ZFHX3: variants seen among roughly 807,000 people sequenced by gnomAD.
The protein encoded by ZFHX3 is zinc finger homeobox 3.
Under a neutral mutation model 279.1 loss-of-function variants are expected in ZFHX3, and 42 were observed. That is an observed-to-expected ratio of 0.15 (90% confidence interval 0.12 to 0.19). The LOEUF (loss-of-function observed/expected upper bound fraction) is 0.19. Ranked by LOEUF, ZFHX3 falls within the 10% of genes least tolerant of loss-of-function variation. The pLI, the probability that ZFHX3 is intolerant of heterozygous loss-of-function variation, is 1.00. For missense variants in ZFHX3, 4,981 were observed against 4,754.0 expected, an observed-to-expected ratio of 1.05 and a Z score of -1.40; for synonymous variants, 2,293 against 1,957.8, an observed-to-expected ratio of 1.17 and a Z score of -4.52.
intron 3 of ZFHX3, among the ~76,000 whole-genome samples, chr16:73,443,678 CTATGGA>C (rs989012469): frequency 2.0e-4 from 30 of 152,312 alleles, no homozygotes; most frequent in African/African-American, 7.2e-4. Context: ...CTTTCTCTCT[CTATGGA>C]TATGGAGAAT....
chr16:72,831,864 A>T (rs1004871582), intron 4 of ZFHX3, among the ~76,000 whole-genome samples: 1 of 152,162 alleles, frequency 6.6e-6, no homozygotes, highest in Non-Finnish European at 1.5e-5. Flanking sequence ...CTATTGTTCC[A>T]TTATTGGAAC....
intron 1 of ZFHX3, among the ~76,000 whole-genome samples, chr16:73,748,686 A>G (rs930167630): frequency 6.6e-5 from 10 of 152,202 alleles, no homozygotes; most frequent in African/African-American, 2.4e-4. Flanking sequence ...ATCAGATTAT[A>G]TCACTGTCTC....
intron 1 of ZFHX3, chr16:73,014,303 T>C (rs1733939235): frequency 2.2e-5 from 1 of 45,266 alleles, no homozygotes; most frequent in African/African-American, 7.2e-5. Flanking sequence ...GTTTTTTGCA[T>C]TTTTTTTTTT....
At chr16:73,193,636 G>T (rs1968087685) in intron 5 of ZFHX3, among the ~76,000 whole-genome samples, 1 of 152,158 alleles carries the variant, frequency 6.6e-6, no homozygotes. Context: ...TTTGAAAGGG[G>T]ACAACCCCTG....
At position 72,899,492 on chromosome 16, in the gene ZFHX3, A is replaced by C. The variant is rs562781881; in HGVS notation, c.3217-9530T>G. ...GAGTCAATTAAACCTCTTTCCTTTA[A>C]AAATCACCCAGTCTCGGGTATGTCT... is the stretch of plus-strand genomic sequence containing the variant. On this transcript the variant is annotated intron_variant, in intron 3 of 9. Transcript: ENST00000268489. Among the ~76,000 whole-genome samples, 13 of 152,308 alleles carry C rather than the reference A, an allele frequency of 8.5e-5. 1 individual carries two copies. The South Asian group carries it at 2.7e-3, about 32-fold the overall frequency.
intron 1 of ZFHX3, among the ~76,000 whole-genome samples, chr16:73,735,264 G>A (rs1292148334): frequency 6.6e-6 from 1 of 151,612 alleles, no homozygotes; most frequent in East Asian, 1.9e-4. Flanking sequence ...AGAGACCTGA[G>A]TCATAGGGTT....
At chr16:72,962,789 T>C (rs1416230238) in intron 1 of ZFHX3, among the ~76,000 whole-genome samples, 1 of 152,122 alleles carries the variant, frequency 6.6e-6, no homozygotes, top group Non-Finnish European at 1.5e-5. Context: ...ACAGCTCTTC[T>C]GTCCTTGGTA....
chr16:72,955,790 A>AAC (rs900884946), intron 2 of ZFHX3, among the ~76,000 whole-genome samples: 34 of 151,660 alleles, frequency 2.2e-4, no homozygotes, highest in African/African-American at 7.7e-4. Flanking sequence ...AAAAAAAAAA[A>AAC]AAAAACCCTC....
chr16:73,076,207 T>C (rs1965885406), intron 8 of ZFHX3, among the ~76,000 whole-genome samples: 1 of 152,218 alleles, frequency 6.6e-6, no homozygotes, highest in African/African-American at 2.4e-5. Flanking sequence ...TATTCTGATA[T>C]TTCTTACCTG....
chr16:72,997,037 G>C (rs1230476687), intron 1 of ZFHX3, among the ~76,000 whole-genome samples: 1 of 152,162 alleles, frequency 6.6e-6, no homozygotes, highest in Admixed American at 6.5e-5. Flanking sequence ...GCTCCGGAAA[G>C]AGAACCGTTG....
At position 72,803,086 on chromosome 16, in the gene ZFHX3, C is replaced by A. The variant is rs530004798; in HGVS notation, c.3865-2957G>T. 8.5e-5 allele frequency among the ~76,000 whole-genome samples: 13 copies of A among 152,278 alleles called. No homozygotes were observed. The East Asian group carries it at 2.3e-3, about 27-fold the overall frequency. On this transcript the variant is annotated intron_variant, in intron 7 of 9. Coordinates refer to ENST00000268489, the MANE Select transcript of ZFHX3 (RefSeq NM_006885.4). ...GTGGCTCAAGCCTGTAATCCCAGCACTTTGGGAGGCTGAGGCGGGTGGATC... is the reference window on the plus strand; with the variant it reads ...GTGGCTCAAGCCTGTAATCCCAGCAATTTGGGAGGCTGAGGCGGGTGGATC...
intron 1 of ZFHX3, among the ~76,000 whole-genome samples, chr16:73,823,400 T>A (rs539766264): frequency 6.6e-6 from 1 of 151,988 alleles, no homozygotes; most frequent in Admixed American, 6.6e-5. Context: ...ACAGCATCAA[T>A]GACAGATGAA....
chr16:72,953,912 G>A (rs894849937), intron 2 of ZFHX3, among the ~76,000 whole-genome samples: 1 of 152,210 alleles, frequency 6.6e-6, no homozygotes, highest in African/African-American at 2.4e-5. Context: ...AGAAGCAGCA[G>A]AGTGCTGAAA....
At chr16:73,131,424 T>C (rs1218040174) in intron 6 of ZFHX3, among the ~76,000 whole-genome samples, 1 of 152,124 alleles carries the variant, frequency 6.6e-6, no homozygotes, top group Non-Finnish European at 1.5e-5. Context: ...AAAAGCAAAA[T>C]GTAACTTGTC....
At chr16:72,875,555 G>A (rs2038287468) in intron 4 of ZFHX3, among the ~76,000 whole-genome samples, 1 of 152,230 alleles carries the variant, frequency 6.6e-6, no homozygotes, top group African/African-American at 2.4e-5. Context: ...GGGAACTGGA[G>A]TTGCAGCTTT....
At chr16:73,093,147 A>T (rs762853342) in intron 8 of ZFHX3, 9 of 520,018 alleles carry the variant, frequency 1.7e-5, no homozygotes, top group African/African-American at 1.9e-5. Context: ...GACAGCTGCA[A>T]ACCACGAGCC....
intron 4 of ZFHX3, among the ~76,000 whole-genome samples, chr16:72,849,207 C>A (rs963937358): frequency 2.6e-4 from 39 of 152,280 alleles, no homozygotes; most frequent in Non-Finnish European, 4.4e-5. Context: ...CCAGCTGGGA[C>A]TGGAATGACC....
Position 72,997,019 on chromosome 16 carries a change from A to T in ZFHX3, c.-49-36825T>A, listed in dbSNP as rs1214657859. 4.6e-5 allele frequency among the ~76,000 whole-genome samples: 7 copies of T among 152,292 alleles called. No homozygotes were observed. The East Asian group carries it at 1.4e-3, about 29-fold the overall frequency. On this transcript the variant is annotated intron_variant, in intron 1 of 9. Coordinates refer to ENST00000268489, the MANE Select transcript of ZFHX3 (RefSeq NM_006885.4). ...CCCAGCTTCTGGGCAGAAGCGCAAG[A>T]TCCTGGTGCTCCGGAAAGAGAACCG... is the stretch of plus-strand genomic sequence containing the variant.
At chr16:73,325,924 CACAA>C (rs1241450279) in intron 3 of ZFHX3, among the ~76,000 whole-genome samples, 6 of 137,020 alleles carry the variant, frequency 4.4e-5, no homozygotes, top group African/African-American at 9.0e-5. Context: ...CACACACACA[CACAA>C]ACACACACAC....
Sources: allele counts gnomAD v4.1 joint callset (sites outside exome capture counted in the v4.1 genomes callset), GRCh38; gene constraint gnomAD v4.1.1; transcripts MANE v1.5; gene names NCBI Gene and HGNC (gene_info 2026-07-23, HGNC 2026-07-21).